Variants in EDIL3 observed in about 807,000 individuals in gnomAD.
EDIL3 encodes EGF-like repeat and discoidin I-like domain-containing protein 3.
A neutral mutation model predicts 67.4 loss-of-function variants in EDIL3; 37 were observed. The observed-to-expected ratio is 0.55, with a 90% CI of 0.42 to 0.72. The LOEUF (loss-of-function observed/expected upper bound fraction) is 0.72. EDIL3 is among the 30% of genes least tolerant of loss of function. EDIL3 has a pLI of 0.00. For missense variants in EDIL3, 527 were observed against 586.3 expected (o/e 0.90, Z 1.04); for synonymous variants, 195 against 196.3 (o/e 0.99, Z 0.05).
At chr5:84,087,012 A>G (rs1049571950) in intron 6 of EDIL3, among the ~76,000 whole-genome samples, 1 of 152,144 alleles carries the variant, frequency 6.6e-6, no homozygotes, top group Non-Finnish European at 1.5e-5. Flanking sequence ...ACTTTTGCTT[A>G]TATGCCTTTG....
In EDIL3 at chr5:84,352,105, A is replaced by G. The variant is rs117093562; in HGVS notation, c.67+32203T>C. Among the ~76,000 whole-genome samples the G allele has an allele frequency of 3.3e-5, 5 of 152,310 alleles. No homozygotes were observed. In the East Asian group the frequency reaches 9.6e-4, roughly 29 times the overall value. On this transcript the variant is annotated intron_variant, in intron 1 of 10. Transcript: ENST00000296591. ...AATGATATAACATCTCACATCAGTC[A>G]GCATGACTTCTATTAAAAAAATTAA...
At chr5:84,137,472 T>C in intron 4 of EDIL3, 118 bp from the exon 5 acceptor site, 1 of 786,964 alleles carries the variant, frequency 1.3e-6, no homozygotes, top group Middle Eastern at 2.4e-4. Flanking sequence ...TGTGTGTGTG[T>C]AGGCATGTGT....
At chr5:84,010,946 A>G (rs1277738038) in intron 9 of EDIL3, among the ~76,000 whole-genome samples, 3 of 152,204 alleles carry the variant, frequency 2.0e-5, no homozygotes, top group Non-Finnish European at 4.4e-5. Context: ...GTATATATCA[A>G]GAGCATCCTG....
chr5:84,267,616 G>C (rs1190128465), intron 1 of EDIL3, among the ~76,000 whole-genome samples: 1 of 152,140 alleles, frequency 6.6e-6, no homozygotes, highest in Admixed American at 6.5e-5. Flanking sequence ...ATCATCATTT[G>C]AGTTGAGAGT....
chr5:84,100,755 A>G (rs111841007), intron 6 of EDIL3, among the ~76,000 whole-genome samples: 2,248 of 152,212 alleles, frequency 0.015, 52 homozygotes, highest in African/African-American at 0.051. Flanking sequence ...TTTCTTAGCG[A>G]TACCTATATT....
chr5:84,054,864 C>T lies in EDIL3; in HGVS notation c.1137+5436G>A, dbSNP rs1335220646. Among the ~76,000 whole-genome samples the T allele has an allele frequency of 1.0e-4, 15 of 146,664 alleles. 2 individuals carry two copies. Among genetic ancestry groups the T allele is most frequent in the Middle Eastern group, 6.9e-3 (2 of 290 alleles). On this transcript the variant is annotated intron_variant, in intron 9 of 10. Transcript: ENST00000296591. The stretch of plus-strand genomic sequence containing the variant: ...GCTCATGGATAGGAAGAATCAATAT[C>T]GTGAAAATGGCCATACTGCCCAAGG...
intron 1 of EDIL3, among the ~76,000 whole-genome samples, chr5:84,283,649 C>T (rs571320222): frequency 6.6e-6 from 1 of 152,286 alleles, no homozygotes; most frequent in South Asian, 2.1e-4. Flanking sequence ...CACAAATCTT[C>T]CTCAATCTCT....
At chr5:84,337,512 T>C (rs558110694) in intron 1 of EDIL3, among the ~76,000 whole-genome samples, 222 of 152,218 alleles carry the variant, frequency 1.5e-3, no homozygotes, top group African/African-American at 5.0e-3. Flanking sequence ...ACTATATACA[T>C]GTATATCTTC....
rs761622695 is a variant in EDIL3 at position 84,106,847 on chromosome 5, G to GA, written c.470-18dup. On this transcript the variant is annotated splice_polypyrimidine_tract_variant and intron_variant, in intron 5 of 10. Coordinates refer to ENST00000296591, the MANE Select transcript of EDIL3 (RefSeq NM_005711.5). ...CTGAGCATTCTGGAAACAAAAACAG[G>GA]AAAAAATATGAATGTATTAGAAACA... 6.3e-7 allele frequency: 1 copy of GA among 1,580,074 alleles called. No homozygotes were observed. The highest frequency in any genetic ancestry group is 8.6e-7 in the Non-Finnish European group (1 of 1,167,044).
At chr5:84,209,940 C>T (rs1483593132) in intron 3 of EDIL3, among the ~76,000 whole-genome samples, 1 of 152,154 alleles carries the variant, frequency 6.6e-6, no homozygotes, top group Non-Finnish European at 1.5e-5. Context: ...CTCTTGTTAC[C>T]TGAATCTGGA....
At chr5:84,089,607 C>T (rs1747128591) in intron 6 of EDIL3, among the ~76,000 whole-genome samples, 2 of 152,168 alleles carry the variant, frequency 1.3e-5, no homozygotes, top group Admixed American at 1.3e-4. Context: ...GTATTCAGAA[C>T]ACGGACCACT....
intron 1 of EDIL3, among the ~76,000 whole-genome samples, chr5:84,296,719 A>C (rs910997794): frequency 2.0e-5 from 3 of 152,188 alleles, no homozygotes; most frequent in African/African-American, 7.2e-5. Flanking sequence ...CAACTTCATC[A>C]TAAAATCTCT....
intron 1 of EDIL3, among the ~76,000 whole-genome samples, chr5:84,334,227 A>G (rs1746939538): frequency 1.3e-5 from 2 of 151,784 alleles, no homozygotes; most frequent in Non-Finnish European, 2.9e-5. Flanking sequence ...ACACGCGCCT[A>G]ATTTTTTTGT....
chr5:84,184,323 C>G (rs1749063069), intron 3 of EDIL3, among the ~76,000 whole-genome samples: 1 of 152,064 alleles, frequency 6.6e-6, no homozygotes, highest in Non-Finnish European at 1.5e-5. Flanking sequence ...AAGGGAAGAG[C>G]TGGGGAATGG....
chr5:84,006,382 A>ACAAAT (rs1181737574), intron 9 of EDIL3, among the ~76,000 whole-genome samples: 1 of 151,950 alleles, frequency 6.6e-6, no homozygotes, highest in Non-Finnish European at 1.5e-5. Context: ...ACAAAACAAA[A>ACAAAT]CAAAACATAA....
At chr5:84,055,322 G>C (rs1446072132) in intron 9 of EDIL3, among the ~76,000 whole-genome samples, 4 of 146,606 alleles carry the variant, frequency 2.7e-5, no homozygotes, top group Non-Finnish European at 5.9e-5. Flanking sequence ...ATGGATTAAA[G>C]ACTTAAATGT....
intron 5 of EDIL3, among the ~76,000 whole-genome samples, chr5:84,119,212 GTTTTT>G (rs66522256): frequency 2.9e-4 from 24 of 82,330 alleles, no homozygotes; most frequent in East Asian, 2.7e-3. Context: ...CATGCATTTG[GTTTTT>G]TTTTTTTTTT....
At chr5:84,050,524 A>C (rs1746315485) in intron 9 of EDIL3, among the ~76,000 whole-genome samples, 1 of 152,226 alleles carries the variant, frequency 6.6e-6, no homozygotes, top group Non-Finnish European at 1.5e-5. Flanking sequence ...GCATCGCCTC[A>C]CCTGGGAAGT....
At chr5:84,159,036 A>T (rs1748542085) in intron 4 of EDIL3, among the ~76,000 whole-genome samples, 1 of 152,088 alleles carries the variant, frequency 6.6e-6, no homozygotes, top group Admixed American at 6.6e-5. Context: ...ATAAAAAGGA[A>T]CAATGTACAT....
Sources: allele counts gnomAD v4.1 joint callset (sites outside exome capture counted in the v4.1 genomes callset), GRCh38; gene constraint gnomAD v4.1.1; transcripts MANE v1.5; gene names NCBI Gene and HGNC (gene_info 2026-07-23, HGNC 2026-07-21).